SAP18: variants seen among roughly 807,000 people sequenced by gnomAD.
The protein encoded by SAP18 is histone deacetylase complex subunit SAP18.
In SAP18, 4 loss-of-function variants were observed where a neutral mutation model predicts 18.6. The observed-to-expected ratio is 0.21, with a 90% CI of 0.11 to 0.49. SAP18 has a LOEUF of 0.49. Among genes scored for constraint, SAP18 ranks in the 20% least tolerant of loss-of-function variants. The pLI is 0.98. For synonymous variants in SAP18, 112 were observed against 82.8 expected (o/e 1.35, Z -1.92); for missense variants, 170 against 226.4 (o/e 0.75, Z 1.60).
At chr13:21,145,688 T>A (rs140060543) in intron 2 of SAP18, among the ~76,000 whole-genome samples, 41 of 152,272 alleles carry the variant, frequency 2.7e-4, no homozygotes, top group African/African-American at 9.4e-4. Flanking sequence ...AATTTTTGGA[T>A]TTTTAGTAGA....
chr13:21,148,863 C>A (rs558007972), exon 4 of SAP18: 1 of 151,978 alleles, frequency 6.6e-6, no homozygotes, highest in Non-Finnish European at 1.5e-5. Flanking sequence ...TTGTCAAATT[C>A]CACCCTTTGC....
At chr13:21,147,105 A>G in intron 3 of SAP18, 81 bp from the exon 4 acceptor site, 5 of 1,483,444 alleles carry the variant, frequency 3.4e-6, no homozygotes, top group Non-Finnish European at 4.6e-6. Flanking sequence ...GATGGAGAAA[A>G]TCCAGTGCCA....
chr13:21,147,122 C>A, intron 3 of SAP18, 64 bp from the exon 4 acceptor site: 1 of 1,523,648 alleles, frequency 6.6e-7, no homozygotes, highest in Non-Finnish European at 8.9e-7. Context: ...GCCATATTCA[C>A]TTTGTAGTAC....
At chr13:21,145,025 G>A (rs183106791) in intron 2 of SAP18, among the ~76,000 whole-genome samples, 324 of 151,374 alleles carry the variant, frequency 2.1e-3, no homozygotes, top group Non-Finnish European at 3.3e-3. Flanking sequence ...GAGAGCTGAC[G>A]TGACACCGGT....
chr13:21,140,500 C>T (rs564217124), upstream of SAP18: 3 of 1,534,432 alleles, frequency 2.0e-6, no homozygotes, highest in South Asian at 2.4e-5. Context: ...CCCCGCCCAG[C>T]CCCTGGCCGA....
chr13:21,140,817 A>G, intron 1 of SAP18, 69 bp from the exon 2 acceptor site: 1 of 1,568,106 alleles, frequency 6.4e-7, no homozygotes, highest in Non-Finnish European at 8.8e-7. Flanking sequence ...CGCCTCGGGA[A>G]GAGAGATGAG....
intron 2 of SAP18, among the ~76,000 whole-genome samples, chr13:21,146,055 A>C (rs1015940270): frequency 6.6e-6 from 1 of 152,198 alleles, no homozygotes; most frequent in South Asian, 2.1e-4. Flanking sequence ...AAGAAGAAAC[A>C]CATCTGGCTG....
exon 4 of SAP18, chr13:21,147,969 A>G (rs1869707576): frequency 6.6e-6 from 1 of 152,264 alleles, no homozygotes; most frequent in African/African-American, 2.4e-5. Context: ...AGAGGAAACA[A>G]GGGTTTGGGT....
At chr13:21,144,092 G>A (rs1214317209) in intron 2 of SAP18, among the ~76,000 whole-genome samples, 1 of 152,154 alleles carries the variant, frequency 6.6e-6, no homozygotes, top group Admixed American at 6.5e-5. Flanking sequence ...CAGAAAAACA[G>A]AATTGGGAGA....
chr13:21,146,699 G>A (rs1051242844), intron 2 of SAP18, 106 bp from the exon 3 acceptor site: 3 of 897,288 alleles, frequency 3.3e-6, no homozygotes, highest in Middle Eastern at 3.6e-4. Flanking sequence ...AGTTTCTAAT[G>A]TAAATCACAA....
chr13:21,144,713 C>G (rs893707084), intron 2 of SAP18, among the ~76,000 whole-genome samples: 1 of 152,132 alleles, frequency 6.6e-6, no homozygotes. Context: ...AAGTACTGAA[C>G]CCCACCCTGT....
intron 2 of SAP18, 27 bp from the exon 3 acceptor site, chr13:21,146,778 T>C: frequency 6.4e-7 from 1 of 1,554,728 alleles, no homozygotes; most frequent in Non-Finnish European, 8.7e-7. Context: ...TAAGCAAATG[T>C]AAATGTCTTT....
intron 3 of SAP18, 85 bp from the exon 4 acceptor site, chr13:21,147,101 G>C: frequency 1.4e-6 from 2 of 1,475,480 alleles, no homozygotes; most frequent in Non-Finnish European, 1.8e-6. Context: ...AAATGATGGA[G>C]AAAATCCAGT....
At chr13:21,140,341 A>G (rs139125858), upstream of SAP18, among the ~76,000 whole-genome samples, 100 of 152,362 alleles carry the variant, frequency 6.6e-4, no homozygotes, top group African/African-American at 2.3e-3. Context: ...TTTAAGGGAA[A>G]AAAACATCCC....
exon 2 of SAP18, chr13:21,140,909 C>T (rs752402561): frequency 1.9e-6 from 3 of 1,613,808 alleles, no homozygotes; most frequent in Admixed American, 3.3e-5. Flanking sequence ...TGCTACGGGT[C>T]TTCACCACCA....
intron 2 of SAP18, among the ~76,000 whole-genome samples, chr13:21,144,719 C>T (rs1006909999): frequency 6.6e-6 from 1 of 152,142 alleles, no homozygotes; most frequent in Admixed American, 6.6e-5. Flanking sequence ...TGAACCCCAC[C>T]CTGTCCTCAA....
exon 4 of SAP18, chr13:21,148,284 T>C (rs990334392): frequency 1.3e-5 from 2 of 152,208 alleles, no homozygotes; most frequent in African/African-American, 4.8e-5. Context: ...TTGTTAAGAC[T>C]GAATATTTTA....
chr13:21,140,740 G>A, intron 1 of SAP18, 59 bp downstream of exon 1: 1 of 1,596,924 alleles, frequency 6.3e-7, no homozygotes, highest in South Asian at 1.1e-5. Flanking sequence ...CCCGCAGGGT[G>A]CAGAGGCGCG....
intron 3 of SAP18, 82 bp downstream of exon 3, chr13:21,147,009 A>C (rs1270900253): frequency 8.1e-6 from 12 of 1,478,558 alleles, no homozygotes; most frequent in African/African-American, 2.8e-5. Context: ...CCTTCAATGA[A>C]TCTTGTTAGT....
Sources: allele counts gnomAD v4.1 joint callset (sites outside exome capture counted in the v4.1 genomes callset), GRCh38; gene constraint gnomAD v4.1.1; transcripts MANE v1.5; gene names NCBI Gene and HGNC (gene_info 2026-07-23, HGNC 2026-07-21).